The following KCNQ1OT1 variants were observed in gnomAD, a reference collection of about 807,000 sequenced individuals.
KCNQ1OT1 encodes KCNQ1 opposite strand/antisense transcript 1, also known as KCNQ1 antisense RNA 2 (non-protein coding).
rs976227622 is a variant in KCNQ1OT1 at position 2,662,572 on chromosome 11, G to A, written n.37423C>T. On this transcript the variant is annotated non_coding_transcript_exon_variant, in exon 1 of 1. Transcript: ENST00000597346. ...TTGGCCTTCCCCTGAGGCACAGCTG[G>A]CCTGGGATGCATGCCCGTCCTCCCC... is the stretch of plus-strand genomic sequence containing the variant. 19 of 424,212 alleles carry A rather than the reference G, an allele frequency of 4.5e-5. No individual in the cohort carries two copies. The Admixed American group carries it at 7.0e-4, about 16-fold the overall frequency. The allele number at this position is 424,212 out of a possible 1,614,324, so 26.3% of individuals were successfully genotyped here.
chr11:2,666,606 G>A (rs1016867566), exon 1 of KCNQ1OT1: 3 of 398,626 alleles, frequency 7.5e-6, no homozygotes, highest in Non-Finnish European at 1.3e-5. Context: ...GGAAATAAGG[G>A]CAAACGTCAC....
Position 2,691,366 on chromosome 11 carries a change from G to A in KCNQ1OT1, n.8629C>T. On this transcript the variant is annotated non_coding_transcript_exon_variant, in exon 1 of 1. Coordinates refer to ENST00000597346, the Ensembl canonical transcript of KCNQ1OT1. This position sits in a 1 kb window ranked among gnomAD's most constrained non-coding sequence, Gnocchi z 6.4. ...GTGACCACCCATCCTGACATCTTGG[G>A]CTCAGGCCTCTGGGTCTGGGCATAG... 2.5e-6 allele frequency: 1 copy of A among 398,622 alleles called. No homozygotes were observed. The highest frequency in any genetic ancestry group is 3.6e-5 in the East Asian group (1 of 28,066). 24.7% of individuals were successfully genotyped at this position (398,622 alleles called of 1,614,324 possible).
chr11:2,615,027 CA>C (rs1476129517), exon 1 of KCNQ1OT1: 1 of 398,254 alleles, frequency 2.5e-6, no homozygotes, highest in Non-Finnish European at 4.4e-6. Context: ...TCTGTGAACA[CA>C]GGATGTATAG....
chr11:2,644,526 A>T (rs1564843402), exon 1 of KCNQ1OT1: 1 of 398,094 alleles, frequency 2.5e-6, no homozygotes, highest in African/African-American at 2.1e-5. Flanking sequence ...CTTTAATATT[A>T]TATTGAATTT....
Position 2,668,373 on chromosome 11 carries a change from T to C in KCNQ1OT1, n.31622A>G, listed in dbSNP as rs922980650. ...TGGGCATATGTTTACTCTTAGTGAA[T>C]ACTACCCAGCAGTCTACCAAAGGAG... On this transcript the variant is annotated non_coding_transcript_exon_variant, in exon 1 of 1. Transcript: ENST00000597346. The surrounding 1 kb of genome is among the most constrained non-coding windows in gnomAD (Gnocchi z 4.3). 3.0e-5 allele frequency: 12 copies of C among 398,628 alleles called. No homozygotes were observed. The East Asian group carries it at 4.3e-4, about 14-fold the overall frequency. 24.7% of individuals were successfully genotyped at this position (398,628 alleles called of 1,614,324 possible).
In KCNQ1OT1 at chr11:2,612,485, G is replaced by C. The variant is rs7942590; in HGVS notation, n.87510C>G. ...TGAATCATCTTTATGGATCTGCGTT[G>C]AAGTTCATTGATTCTTTCTTCTGCC... On this transcript the variant is annotated non_coding_transcript_exon_variant, in exon 1 of 1. Transcript: ENST00000597346. This position sits in a 1 kb window ranked among gnomAD's most constrained non-coding sequence, Gnocchi z 5.5. 0.59 allele frequency: 235,956 copies of C among 398,354 alleles called. 71,503 individuals carry two copies. Among genetic ancestry groups the C allele is most frequent in the East Asian group, 0.8 (22,469 of 28,068 alleles). The allele number at this position is 398,354 out of a possible 1,614,324, so 24.7% of individuals were successfully genotyped here.
rs935446648 is a variant in KCNQ1OT1, at chr11:2,651,306, T to A, written n.48689A>T. ...GCTTCATGGTGGGCAGCTGGGAAGC[T>A]GCACAGAACACTCCTCAGAGTTCTA... On this transcript the variant is annotated non_coding_transcript_exon_variant, in exon 1 of 1. Transcript: ENST00000597346. The surrounding 1 kb of genome is among the most constrained non-coding windows in gnomAD (Gnocchi z 6.1). 8 of 398,592 alleles carry A rather than the reference T, an allele frequency of 2.0e-5. No individual in the cohort carries two copies. Among genetic ancestry groups the A allele is most frequent in the African/African-American group, 1.4e-4 (7 of 48,652 alleles). The allele number at this position is 398,592 out of a possible 1,614,324, so 24.7% of individuals were successfully genotyped here. A position where few individuals can be genotyped will look rare whatever the true frequency, so the allele number is the denominator to read the frequency against.
In KCNQ1OT1 at chr11:2,673,378, C is replaced by A. The variant is rs1355395102; in HGVS notation, n.26617G>T. On this transcript the variant is annotated non_coding_transcript_exon_variant, in exon 1 of 1. Coordinates refer to ENST00000597346, the Ensembl canonical transcript of KCNQ1OT1. This position sits in a 1 kb window ranked among gnomAD's most constrained non-coding sequence, Gnocchi z 4.5. Reference sequence around the variant, plus strand: ...CAAAGGGAAGTGACAGAGCAGAGCTCCCCTTGGCCTTTGTTTAGCCCACCT... The same window carrying A: ...CAAAGGGAAGTGACAGAGCAGAGCTACCCTTGGCCTTTGTTTAGCCCACCT... 2.5e-6 allele frequency: 1 copy of A among 398,544 alleles called. No homozygotes were observed. The highest frequency in any genetic ancestry group is 3.6e-5 in the East Asian group (1 of 28,088). The allele number at this position is 398,544 out of a possible 1,614,324, so 24.7% of individuals were successfully genotyped here. A position where few individuals can be genotyped will look rare whatever the true frequency, so the allele number is the denominator to read the frequency against.
chr11:2,696,980 C>A, exon 1 of KCNQ1OT1: 2 of 397,360 alleles, frequency 5.0e-6, no homozygotes, highest in Non-Finnish European at 8.9e-6. Context: ...TTTTTTTTTT[C>A]CATGTAGCCC....
At chr11:2,615,068 TG>T (rs1849039602) in exon 1 of KCNQ1OT1, 1 of 398,382 alleles carries the variant, frequency 2.5e-6, no homozygotes, top group African/African-American at 2.1e-5. Context: ...CTTTAATTTT[TG>T]TCAACAGTGT....
rs887154446 is a variant in KCNQ1OT1, at chr11:2,695,570, A to G, written n.4425T>C. On this transcript the variant is annotated non_coding_transcript_exon_variant, in exon 1 of 1. Transcript: ENST00000597346. The surrounding 1 kb of genome is among the most constrained non-coding windows in gnomAD (Gnocchi z 5.2). The stretch of plus-strand genomic sequence containing the variant: ...GGGCCATGCTGCCCTGAGCATGCAC[A>G]CACACAGCCTCTCGTTGTTCTGGGT... 5.0e-6 allele frequency: 2 copies of G among 398,518 alleles called. No individual in the cohort carries two copies. Among genetic ancestry groups the G allele is most frequent in the Admixed American group, 8.8e-5 (2 of 22,702 alleles). 24.7% of individuals were successfully genotyped at this position (398,518 alleles called of 1,614,324 possible).
In KCNQ1OT1 at chr11:2,661,885, G is replaced by A; in HGVS notation, n.38110C>T. ...CTCCACTCCTCACCTGGCCCTGGGA[G>A]CTCACAGGCCTGGCTCCACAGCACT... On this transcript the variant is annotated non_coding_transcript_exon_variant, in exon 1 of 1. Coordinates refer to ENST00000597346, the Ensembl canonical transcript of KCNQ1OT1. This position sits in a 1 kb window ranked among gnomAD's most constrained non-coding sequence, Gnocchi z 5.9. The A allele has an allele frequency of 1.3e-6, 2 of 1,592,272 alleles. No individual in the cohort carries two copies.
In KCNQ1OT1 at chr11:2,667,054, C is replaced by T. The variant is rs141893090; in HGVS notation, n.32941G>A. The T allele has an allele frequency of 8.2e-4, 328 of 398,646 alleles. 1 individual carries two copies. Among genetic ancestry groups the T allele is most frequent in the African/African-American group, 5.6e-3 (271 of 48,744 alleles). The allele number at this position is 398,646 out of a possible 1,614,324, so 24.7% of individuals were successfully genotyped here. A position where few individuals can be genotyped will look rare whatever the true frequency, so the allele number is the denominator to read the frequency against. On this transcript the variant is annotated non_coding_transcript_exon_variant, in exon 1 of 1. Transcript: ENST00000597346. Reference sequence around the variant, plus strand: ...ACATAGCCCCAGCCAGGCTCAAACCCGTCTCTGAAATGCACGGGGGGATTA... The same window carrying T: ...ACATAGCCCCAGCCAGGCTCAAACCTGTCTCTGAAATGCACGGGGGGATTA...
At chr11:2,615,102 T>G (rs891390649) in exon 1 of KCNQ1OT1, 1 of 398,208 alleles carries the variant, frequency 2.5e-6, no homozygotes, top group South Asian at 1.3e-4. Flanking sequence ...AGTGCAGAAG[T>G]CTTTCACCTT....
chr11:2,683,075 G>A lies in KCNQ1OT1; in HGVS notation n.16920C>T, dbSNP rs957992896. The stretch of plus-strand genomic sequence containing the variant: ...CAGGCAAGGCTCTTGCTAGCCTGAG[G>A]ACCAGGAGCCTTCAGATTTTCTTGT... On this transcript the variant is annotated non_coding_transcript_exon_variant, in exon 1 of 1. Transcript: ENST00000597346. This position sits in a 1 kb window ranked among gnomAD's most constrained non-coding sequence, Gnocchi z 4.7. 4 of 398,566 alleles carry A rather than the reference G, an allele frequency of 1.0e-5. No homozygotes were observed. Among genetic ancestry groups the A allele is most frequent in the East Asian group, 3.6e-5 (1 of 28,092 alleles). The allele number at this position is 398,566 out of a possible 1,614,324, so 24.7% of individuals were successfully genotyped here. A position where few individuals can be genotyped will look rare whatever the true frequency, so the allele number is the denominator to read the frequency against.
At chr11:2,648,453 A>G (rs1370934098) in exon 1 of KCNQ1OT1, 2 of 398,288 alleles carry the variant, frequency 5.0e-6, no homozygotes, top group East Asian at 7.1e-5. Flanking sequence ...TACCCTATAC[A>G]TTTTTGTATG....
chr11:2,623,994 G>C lies in KCNQ1OT1; in HGVS notation n.76001C>G, dbSNP rs543060681. The C allele has an allele frequency of 2.5e-6, 1 of 398,960 alleles. No individual in the cohort carries two copies. Among genetic ancestry groups the C allele is most frequent in the South Asian group, 1.3e-4 (1 of 7,860 alleles). 24.7% of individuals were successfully genotyped at this position (398,960 alleles called of 1,614,324 possible). ...GCACCACTTTACATTCCCATTAATGGTATATGTCAAAGTGGCTGTACCATT... is the reference window on the plus strand; with the variant it reads ...GCACCACTTTACATTCCCATTAATGCTATATGTCAAAGTGGCTGTACCATT... On this transcript the variant is annotated non_coding_transcript_exon_variant, in exon 1 of 1. Transcript: ENST00000597346. The surrounding 1 kb of genome is among the most constrained non-coding windows in gnomAD (Gnocchi z 5.2).
At position 2,674,572 on chromosome 11, in the gene KCNQ1OT1, C is replaced by T. The variant is rs182526565; in HGVS notation, n.25423G>A. The T allele has an allele frequency of 1.1e-3, 437 of 398,592 alleles. 2 individuals carry two copies. The highest frequency in any genetic ancestry group is 8.0e-3 in the African/African-American group (390 of 48,748). The allele number at this position is 398,592 out of a possible 1,614,324, so 24.7% of individuals were successfully genotyped here. On this transcript the variant is annotated non_coding_transcript_exon_variant, in exon 1 of 1. Transcript: ENST00000597346. This position sits in a 1 kb window ranked among gnomAD's most constrained non-coding sequence, Gnocchi z 5.9. ...ATACCTCGAGTGAGTGAATCTGAAG[C>T]ATGCTAGTTGTGTTGCCTTTTAAAT...
exon 1 of KCNQ1OT1, chr11:2,609,248 C>T (rs1263572954): frequency 3.8e-5 from 15 of 398,086 alleles, no homozygotes; most frequent in East Asian, 7.1e-5. Context: ...TCTCAAAGTA[C>T]GTTCCATTTC....
Sources: gnomAD v4.1 joint callset for allele counts on GRCh38, gnomAD v4.1.1 for gene constraint, Gnocchi (gnomAD v3.1) non-coding constraint, MANE v1.5 for transcripts, NCBI Gene and HGNC (gene_info 2026-07-23, HGNC 2026-07-21) for gene names.